Variants in GALNTL6 observed in about 807,000 individuals in gnomAD.
GALNTL6 encodes polypeptide N-acetylgalactosaminyltransferase-like 6.
A neutral mutation model predicts 73.7 loss-of-function variants in GALNTL6; 46 were observed. That is an observed-to-expected ratio of 0.62 (90% confidence interval 0.49 to 0.80). GALNTL6 has a LOEUF of 0.80. Ranked by LOEUF, GALNTL6 falls within the 30% of genes least tolerant of loss-of-function variation. GALNTL6 has a pLI of 0.00. For synonymous variants in GALNTL6, 259 were observed against 263.7 expected (o/e 0.98, Z 0.17); for missense variants, 604 against 755.0 (o/e 0.80, Z 2.34).
At chr4:172,723,725 C>G (rs990889708) in intron 5 of GALNTL6, among the ~76,000 whole-genome samples, 1 of 152,014 alleles carries the variant, frequency 6.6e-6, no homozygotes, top group African/African-American at 2.4e-5. Flanking sequence ...GTTTCAGCTC[C>G]CTGGTAGAAA....
At chr4:172,206,805 G>GTTTGTTGTTTTTTTT (rs1554003003) in intron 2 of GALNTL6, among the ~76,000 whole-genome samples, 3 of 26,172 alleles carry the variant, frequency 1.1e-4, no homozygotes, top group African/African-American at 2.8e-4. Flanking sequence ...TTGTTTTTCT[G>GTTTGTTGTTTTTTTT]TTTTTTTTGT....
chr4:172,669,231 ACCT>A (rs1731838636), intron 5 of GALNTL6: 1 of 152,084 alleles, frequency 6.6e-6, no homozygotes, highest in African/African-American at 2.4e-5. Context: ...ATATCATTTA[ACCT>A]CTGTTGTCTC....
intron 2 of GALNTL6, among the ~76,000 whole-genome samples, chr4:172,157,945 C>G (rs145676283): frequency 3.4e-4 from 52 of 152,290 alleles, no homozygotes; most frequent in African/African-American, 1.2e-3. Context: ...TGATGTTTTG[C>G]TAGTAAATGA....
intron 5 of GALNTL6, among the ~76,000 whole-genome samples, chr4:172,759,923 G>A (rs1389119845): frequency 2.1e-5 from 3 of 139,658 alleles, no homozygotes; most frequent in East Asian, 2.2e-4. Context: ...TGCAAGCTCT[G>A]CTTCCCGGGT....
At chr4:172,016,128 G>T (rs1369515538) in intron 2 of GALNTL6, among the ~76,000 whole-genome samples, 2 of 151,604 alleles carry the variant, frequency 1.3e-5, no homozygotes, top group Admixed American at 6.6e-5. Flanking sequence ...GGCCAGGGAA[G>T]TTTTCCTCAA....
intron 2 of GALNTL6, among the ~76,000 whole-genome samples, chr4:171,822,926 G>A (rs958934369): frequency 3.3e-5 from 5 of 152,174 alleles, no homozygotes; most frequent in Non-Finnish European, 5.9e-5. Context: ...CCCACTCTAA[G>A]TCGTCTGTAC....
intron 9 of GALNTL6, among the ~76,000 whole-genome samples, chr4:172,935,450 TA>T (rs1165166835): frequency 1.3e-5 from 2 of 151,888 alleles, no homozygotes; most frequent in East Asian, 3.9e-4. Flanking sequence ...CTGAAGGAGA[TA>T]GAGATACCAA....
chr4:172,126,939 T>C (rs1733312363), intron 2 of GALNTL6, among the ~76,000 whole-genome samples: 1 of 152,160 alleles, frequency 6.6e-6, no homozygotes, highest in African/African-American at 2.4e-5. Context: ...CCCGCTGTCC[T>C]CAGCAGGAAG....
At chr4:172,462,907 T>G (rs1157652408) in intron 5 of GALNTL6, among the ~76,000 whole-genome samples, 2 of 152,044 alleles carry the variant, frequency 1.3e-5, no homozygotes, top group Non-Finnish European at 2.9e-5. Context: ...AACAAGACAA[T>G]CCAGAAAAGT....
At chr4:171,879,299 C>T (rs1736370161) in intron 2 of GALNTL6, among the ~76,000 whole-genome samples, 2 of 152,016 alleles carry the variant, frequency 1.3e-5, no homozygotes, top group African/African-American at 2.4e-5. Context: ...AAAGTTTACC[C>T]CAAATGACAG....
intron 8 of GALNTL6, among the ~76,000 whole-genome samples, chr4:172,918,999 T>A (rs1315947730): frequency 6.6e-6 from 1 of 152,194 alleles, no homozygotes; most frequent in Non-Finnish European, 1.5e-5. Flanking sequence ...AACAAAAAAA[T>A]TTAAAACTGA....
intron 2 of GALNTL6, among the ~76,000 whole-genome samples, chr4:172,182,586 G>A (rs1312548357): frequency 1.3e-5 from 2 of 148,840 alleles, no homozygotes; most frequent in African/African-American, 5.0e-5. Context: ...AAACAGGGCT[G>A]GCTGCATAGA....
Position 171,905,770 on chromosome 4 carries a change from G to C in GALNTL6, c.138+91052G>C, listed in dbSNP as rs997337564. Among the ~76,000 whole-genome samples the C allele has an allele frequency of 2.6e-5, 4 of 151,622 alleles. No individual in the cohort carries two copies. In the East Asian group the frequency reaches 7.7e-4, roughly 29 times the overall value. On this transcript the variant is annotated intron_variant, in intron 2 of 12. Transcript: ENST00000506823. ...AAAGCTCTCCTCAGCAAATATAAAA[G>C]AACAGAAATTATAACACACTATCTC...
chr4:172,333,242 C>T (rs1192565486), intron 4 of GALNTL6, among the ~76,000 whole-genome samples: 1 of 152,006 alleles, frequency 6.6e-6, no homozygotes, highest in East Asian at 1.9e-4. Flanking sequence ...CTCCTCTCTA[C>T]TGAAAATACA....
At chr4:172,714,485 G>C (rs941673342) in intron 5 of GALNTL6, among the ~76,000 whole-genome samples, 1 of 152,100 alleles carries the variant, frequency 6.6e-6, no homozygotes, top group Non-Finnish European at 1.5e-5. Context: ...AATACAGGCA[G>C]CCATAAAGCA....
chr4:172,890,650 A>G (rs1311656203), intron 8 of GALNTL6, among the ~76,000 whole-genome samples: 1 of 152,110 alleles, frequency 6.6e-6, no homozygotes, highest in Non-Finnish European at 1.5e-5. Context: ...TGTGCCAAGG[A>G]GAGGGATGTA....
chr4:172,721,998 T>TC (rs1560904936), intron 5 of GALNTL6, among the ~76,000 whole-genome samples: 24 of 121,614 alleles, frequency 2.0e-4, no homozygotes, highest in East Asian at 8.4e-4. Flanking sequence ...TTTTTTTTTT[T>TC]TCCCAAAATC....
chr4:172,465,959 A>G (rs1732799233), intron 5 of GALNTL6, among the ~76,000 whole-genome samples: 2 of 152,348 alleles, frequency 1.3e-5, no homozygotes, highest in South Asian at 4.1e-4. Context: ...CCTAAAAGTC[A>G]GTTTTTTTAA....
intron 2 of GALNTL6, among the ~76,000 whole-genome samples, chr4:172,164,216 CA>C (rs1312912134): frequency 2.6e-5 from 4 of 151,780 alleles, no homozygotes; most frequent in African/African-American, 9.7e-5. Context: ...CTGTTTCAAA[CA>C]AAAAACAGAC....
Sources: allele counts gnomAD v4.1 joint callset (sites outside exome capture counted in the v4.1 genomes callset), GRCh38; gene constraint gnomAD v4.1.1; transcripts MANE v1.5; gene names NCBI Gene and HGNC (gene_info 2026-07-23, HGNC 2026-07-21).